The following MKLN1 variants were observed in gnomAD, a reference collection of about 807,000 sequenced individuals.
MKLN1 encodes the protein muskelin.
In MKLN1, 18 loss-of-function variants were observed where a neutral mutation model predicts 99.0. That is an observed-to-expected ratio of 0.18 (90% CI 0.13 to 0.27). MKLN1 has a LOEUF of 0.27. Ranked by LOEUF, MKLN1 falls within the 10% of genes least tolerant of loss-of-function variation. The pLI is 1.00. For missense variants in MKLN1, 621 were observed against 875.9 expected, an observed-to-expected ratio of 0.71 and a Z score of 3.67; for synonymous variants, 288 against 293.2, an observed-to-expected ratio of 0.98 and a Z score of 0.18.
intron 3 of MKLN1, among the ~76,000 whole-genome samples, chr7:131,216,347 CAGGAGGCGG>C (rs1796980990): frequency 6.6e-6 from 1 of 151,186 alleles, no homozygotes; most frequent in African/African-American, 2.4e-5. Context: ...CGCTTAAAAC[CAGGAGGCGG>C]AGGTTGCAGT....
chr7:131,459,196 C>A (rs1796439717), intron 12 of MKLN1, among the ~76,000 whole-genome samples: 1 of 152,200 alleles, frequency 6.6e-6, no homozygotes, highest in Non-Finnish European at 1.5e-5. Flanking sequence ...TTCTTGGCCC[C>A]TCTGTGTAGT....
chr7:131,232,239 C>T (rs1797254253), intron 3 of MKLN1, among the ~76,000 whole-genome samples: 1 of 152,116 alleles, frequency 6.6e-6, no homozygotes, highest in African/African-American at 2.4e-5. Flanking sequence ...AATAAAGATA[C>T]TCTAATAGCG....
intron 8 of MKLN1, among the ~76,000 whole-genome samples, chr7:131,426,605 T>G (rs1161854409): frequency 1.3e-5 from 2 of 152,194 alleles, no homozygotes; most frequent in Non-Finnish European, 2.9e-5. Flanking sequence ...ACTTATACAG[T>G]GCCAAAAGTG....
intron 2 of MKLN1, among the ~76,000 whole-genome samples, chr7:131,201,386 G>A (rs556221473): frequency 6.6e-6 from 1 of 152,316 alleles, no homozygotes; most frequent in East Asian, 1.9e-4. Context: ...TACTGAGGAA[G>A]CACCAACTTG....
At chr7:131,186,811 G>C (rs1796458277) in intron 2 of MKLN1, among the ~76,000 whole-genome samples, 1 of 152,200 alleles carries the variant, frequency 6.6e-6, no homozygotes, top group African/African-American at 2.4e-5. Context: ...TTAATTATGA[G>C]TTTAGTAGAA....
At chr7:131,400,239 A>G (rs1203130992) in intron 6 of MKLN1, among the ~76,000 whole-genome samples, 2 of 151,836 alleles carry the variant, frequency 1.3e-5, no homozygotes, top group African/African-American at 4.8e-5. Context: ...ATTATTAGGT[A>G]TTCATATTTA....
At position 131,492,888 on chromosome 7, in the gene MKLN1, G is replaced by C. The variant is rs889846201; in HGVS notation, c.*5160G>C. The C allele has an allele frequency of 4.6e-5, 7 of 152,168 alleles. No individual in the cohort carries two copies. Among genetic ancestry groups the C allele is most frequent in the African/African-American group, 1.7e-4 (7 of 41,428 alleles). 9.4% of individuals were successfully genotyped at this position (152,168 alleles called of 1,614,324 possible). On this transcript the variant is annotated 3_prime_UTR_variant, in exon 18 of 18. Transcript: ENST00000352689. ...GTTATAGTAAATTAGTTTCTCTAGT[G>C]GTGCAGAGAGAAATGCCATCGGGGA...
intron 14 of MKLN1, among the ~76,000 whole-genome samples, chr7:131,465,648 C>T (rs1297763747): frequency 8.5e-5 from 13 of 152,070 alleles, no homozygotes; most frequent in African/African-American, 2.7e-4. Flanking sequence ...ACATCATTCT[C>T]CTGCCTCAGC....
intron 3 of MKLN1, among the ~76,000 whole-genome samples, chr7:131,237,455 G>A (rs1160203842): frequency 1.3e-5 from 2 of 152,182 alleles, no homozygotes; most frequent in Non-Finnish European, 2.9e-5. Context: ...TGTCTAAGGT[G>A]ACATAGTAGA....
chr7:131,489,944 C>T lies in MKLN1; in HGVS notation c.*2216C>T, dbSNP rs911686182. Reference sequence around the variant, plus strand: ...GTTGAATCATAGCGAGCCATTTGCTCTTGCCAAAGTGAGATAGATGTACTG... The same window carrying T: ...GTTGAATCATAGCGAGCCATTTGCTTTTGCCAAAGTGAGATAGATGTACTG... On this transcript the variant is annotated 3_prime_UTR_variant, in exon 18 of 18. Coordinates refer to ENST00000352689, the MANE Select transcript of MKLN1 (RefSeq NM_013255.5). 5 of 152,152 alleles carry T rather than the reference C, an allele frequency of 3.3e-5. No homozygotes were observed. Among genetic ancestry groups the T allele is most frequent in the African/African-American group, 9.7e-5 (4 of 41,420 alleles). 9.4% of individuals were successfully genotyped at this position (152,152 alleles called of 1,614,324 possible).
intron 1 of MKLN1, among the ~76,000 whole-genome samples, chr7:131,140,736 T>A (rs1795718596): frequency 6.6e-6 from 1 of 152,052 alleles, no homozygotes; most frequent in African/African-American, 2.4e-5. Flanking sequence ...GCTTCAGGCA[T>A]TCCTTTTAAG....
Position 131,491,334 on chromosome 7 carries a change from A to T in MKLN1, c.*3606A>T, listed in dbSNP as rs1417827730. 2 of 152,120 alleles carry T rather than the reference A, an allele frequency of 1.3e-5. No individual in the cohort carries two copies. Among genetic ancestry groups the T allele is most frequent in the Non-Finnish European group, 2.9e-5 (2 of 68,012 alleles). The allele number at this position is 152,120 out of a possible 1,614,324, so 9.4% of individuals were successfully genotyped here. A position where few individuals can be genotyped will look rare whatever the true frequency, so the allele number is the denominator to read the frequency against. ...ATTCTCACCAAGTTTTGAATTCCTA[A>T]GGTAGCCCCGATCTAGGATGTGAAG... On this transcript the variant is annotated 3_prime_UTR_variant, in exon 18 of 18. Transcript: ENST00000352689.
chr7:131,377,005 G>A (rs114895035), intron 2 of MKLN1, among the ~76,000 whole-genome samples: 402 of 152,096 alleles, frequency 2.6e-3, no homozygotes, highest in African/African-American at 9.2e-3. Flanking sequence ...ATTGTAGTTT[G>A]TTCATTTTCA....
intron 3 of MKLN1, among the ~76,000 whole-genome samples, chr7:131,239,572 T>A (rs1797371901): frequency 6.6e-6 from 1 of 152,152 alleles, no homozygotes; most frequent in Admixed American, 6.6e-5. Flanking sequence ...CCCACCTCGG[T>A]CTCCTAAATT....
intron 2 of MKLN1, among the ~76,000 whole-genome samples, chr7:131,202,077 G>T: frequency 6.9e-6 from 1 of 144,346 alleles, no homozygotes; most frequent in African/African-American, 2.5e-5. Context: ...CAAGAAATTA[G>T]TTAATCAATC....
At chr7:131,271,323 A>C (rs1236136371) in intron 3 of MKLN1, among the ~76,000 whole-genome samples, 1 of 152,176 alleles carries the variant, frequency 6.6e-6, no homozygotes, top group Non-Finnish European at 1.5e-5. Context: ...GCTACTTAAC[A>C]ATCAAAGATT....
intron 16 of MKLN1, 85 bp downstream of exon 16, chr7:131,471,029 G>A: frequency 3.3e-6 from 3 of 918,424 alleles, no homozygotes; most frequent in Non-Finnish European, 5.0e-6. Flanking sequence ...GCTCTTGAGT[G>A]TGTAAAGGAA....
chr7:131,487,765 G>C lies in MKLN1; in HGVS notation c.*37G>C. The C allele has an allele frequency of 6.2e-7, 1 of 1,603,036 alleles. No individual in the cohort carries two copies. Among genetic ancestry groups the C allele is most frequent in the Non-Finnish European group, 8.5e-7 (1 of 1,175,608 alleles). On this transcript the variant is annotated 3_prime_UTR_variant, in exon 18 of 18. Coordinates refer to ENST00000352689, the MANE Select transcript of MKLN1 (RefSeq NM_013255.5). The surrounding 1 kb of genome is among the most constrained non-coding windows in gnomAD (Gnocchi z 4.7). ...CTGGACACAGAAATGGAAAACAGGA[G>C]TCGATTTTCCGTCTTTTGGATTGCA...
At chr7:131,364,990 G>A (rs1327538436) in intron 1 of MKLN1, among the ~76,000 whole-genome samples, 2 of 152,132 alleles carry the variant, frequency 1.3e-5, no homozygotes, top group Non-Finnish European at 1.5e-5. Flanking sequence ...CCAATAATGG[G>A]ATTGCTGGGT....
Sources: gnomAD v4.1 joint callset for allele counts (sites outside exome capture counted in the v4.1 genomes callset) on GRCh38, gnomAD v4.1.1 for gene constraint, Gnocchi (gnomAD v3.1) non-coding constraint, MANE v1.5 for transcripts, NCBI Gene and HGNC (gene_info 2026-07-23, HGNC 2026-07-21) for gene names.